The following BBOF1 variants were observed in gnomAD, a reference collection of about 807,000 sequenced individuals.
BBOF1 encodes the protein basal body orientation factor 1, also known as basal body-orientation factor 1.
A neutral mutation model predicts 68.0 loss-of-function variants in BBOF1; 62 were observed. That is an observed-to-expected ratio of 0.91 (90% confidence interval 0.74 to 1.13). The LOEUF is 1.13. BBOF1 is among the 50% of genes most tolerant of loss of function. The pLI is 0.00. For synonymous variants in BBOF1, 208 were observed against 198.8 expected (o/e 1.05, Z -0.39); for missense variants, 534 against 600.1 (o/e 0.89, Z 1.15).
chr14:74,047,047 A>C (rs2059966856), intron 6 of BBOF1, among the ~76,000 whole-genome samples: 1 of 152,178 alleles, frequency 6.6e-6, no homozygotes, highest in Admixed American at 6.5e-5. Flanking sequence ...AACTTTCTTG[A>C]AGTTAAATTT....
chr14:74,053,449 C>T (rs2060114622), intron 8 of BBOF1, among the ~76,000 whole-genome samples: 1 of 151,248 alleles, frequency 6.6e-6, no homozygotes, highest in Non-Finnish European at 1.5e-5. Flanking sequence ...ACTCTATTGC[C>T]CAGGTTGGAG....
chr14:74,042,845 T>TTC (rs1052857687), intron 5 of BBOF1, among the ~76,000 whole-genome samples: 104 of 141,672 alleles, frequency 7.3e-4, no homozygotes, highest in African/African-American at 2.6e-3. Flanking sequence ...CTCGCTCTGT[T>TTC]TCTCTCTCTC....
At chr14:74,039,268 A>G (rs1167205279) in intron 4 of BBOF1, among the ~76,000 whole-genome samples, 1 of 152,214 alleles carries the variant, frequency 6.6e-6, no homozygotes, top group East Asian at 1.9e-4. Flanking sequence ...AATATTTTCT[A>G]TAACATTTTT....
At chr14:74,046,937 G>A (rs68078235) in intron 6 of BBOF1, 16,985 of 152,092 alleles carry the variant, frequency 0.11, 1,243 homozygotes, top group Admixed American at 0.19. Context: ...GGTTTTGCCC[G>A]GGCTGGTCTC....
chr14:74,042,885 C>G (rs1469194146), intron 5 of BBOF1, among the ~76,000 whole-genome samples: 5 of 137,376 alleles, frequency 3.6e-5, no homozygotes, highest in African/African-American at 1.4e-4. Flanking sequence ...CACAGACACA[C>G]ACACACACAC....
At chr14:74,071,424 C>T in intron 9 of BBOF1, 1 of 1,614,118 alleles carries the variant, frequency 6.2e-7, no homozygotes, top group East Asian at 2.2e-5. Context: ...AATAAAGGTC[C>T]ATGTCTTTGG....
chr14:74,064,256 C>A (rs1019490581), intron 11 of BBOF1, among the ~76,000 whole-genome samples: 1 of 150,784 alleles, frequency 6.6e-6, no homozygotes, highest in East Asian at 2.0e-4. Context: ...TAAGACCATG[C>A]CACAGCACTC....
At chr14:74,054,976 T>C (rs2060155653) in intron 8 of BBOF1, 1 of 153,294 alleles carries the variant, frequency 6.5e-6, no homozygotes, top group Non-Finnish European at 1.5e-5. Flanking sequence ...TCCTTAGAGT[T>C]TTCTACTTTG....
chr14:74,043,134 A>G (rs1196128907), intron 5 of BBOF1, among the ~76,000 whole-genome samples: 5 of 152,002 alleles, frequency 3.3e-5, no homozygotes, highest in African/African-American at 1.2e-4. Context: ...ATACCTCAGC[A>G]TGCCCCAGCC....
chr14:74,077,262 A>C (rs2060622600), intron 9 of BBOF1, among the ~76,000 whole-genome samples: 1 of 152,138 alleles, frequency 6.6e-6, no homozygotes, highest in Non-Finnish European at 1.5e-5. Flanking sequence ...TCCTACCCCA[A>C]ACTAGGTTAA....
intron 2 of BBOF1, among the ~76,000 whole-genome samples, chr14:74,026,151 A>AG (rs1404406732): frequency 4.9e-5 from 7 of 144,122 alleles, no homozygotes; most frequent in African/African-American, 1.8e-4. Context: ...AAAAAAAAAA[A>AG]AAAGAGAGAG....
At chr14:74,033,735 G>C (rs1364832706) in intron 3 of BBOF1, among the ~76,000 whole-genome samples, 2 of 152,066 alleles carry the variant, frequency 1.3e-5, no homozygotes, top group Non-Finnish European at 2.9e-5. Context: ...AAATCAGCCA[G>C]GCATGGTGGC....
In BBOF1 at chr14:74,057,276, A is replaced by G. The variant is rs537061220; in HGVS notation, c.1578+18A>G. ...CTGACACAGTAAGGAGTCTGTATCT[A>G]ATCAAACAATGTATATTGTTGTCAC... On this transcript the variant is annotated intron_variant, in intron 11 of 11. Coordinates refer to ENST00000394009, the MANE Select transcript of BBOF1 (RefSeq NM_025057.3). 8 of 1,614,086 alleles carry G rather than the reference A, an allele frequency of 5.0e-6. No homozygotes were observed. In the Admixed American group the frequency reaches 1.2e-4, roughly 24 times the overall value.
downstream of BBOF1, chr14:74,068,981 G>C: frequency 6.2e-7 from 1 of 1,613,246 alleles, no homozygotes; most frequent in Non-Finnish European, 8.5e-7. Context: ...AAAATTTACA[G>C]CTTTAAGAAG....
In BBOF1 at chr14:74,065,786, A is replaced by T. The variant is rs546403678; in HGVS notation, c.*1087A>T. 9.9e-6 allele frequency: 2 copies of T among 201,932 alleles called. No individual in the cohort carries two copies. The highest frequency in any genetic ancestry group is 1.7e-4 in the South Asian group (2 of 11,956). 12.5% of individuals were successfully genotyped at this position (201,932 alleles called of 1,614,324 possible). On this transcript the variant is annotated 3_prime_UTR_variant, in exon 12 of 12. Coordinates refer to ENST00000394009, the MANE Select transcript of BBOF1 (RefSeq NM_025057.3). ...CCCCATGCTGTTTTCTGTAACATAA[A>T]TAATCCATTCTTATTCACTCCTTTG...
In BBOF1 at chr14:74,062,051, GAAAAAAAAA is replaced by G. The variant is rs369414700; in HGVS notation, c.1579-2616_1579-2608del. Among the ~76,000 whole-genome samples, 4 of 59,578 alleles carry G rather than the reference GAAAAAAAAA, an allele frequency of 6.7e-5. No homozygotes were observed. In the Admixed American group the frequency reaches 7.4e-4, roughly 11 times the overall value. The allele number at this position is 59,578 out of a possible 152,430, so 39.1% of individuals were successfully genotyped here. A position where few individuals can be genotyped will look rare whatever the true frequency, so the allele number is the denominator to read the frequency against. On this transcript the variant is annotated intron_variant, in intron 11 of 11. Coordinates refer to ENST00000394009, the MANE Select transcript of BBOF1 (RefSeq NM_025057.3). ...CATGGCGAAACCTCGTCTCTACTGG[GAAAAAAAAA>G]AAAAAAAAAAAAAAAAAAAAGCTGG...
At chr14:74,038,347 T>TA (rs2059756439) in intron 4 of BBOF1, among the ~76,000 whole-genome samples, 1 of 152,244 alleles carries the variant, frequency 6.6e-6, no homozygotes, top group Non-Finnish European at 1.5e-5. Context: ...TATGTACAGG[T>TA]ATACATTCTG....
chr14:74,039,950 T>TA (rs1249266020), intron 4 of BBOF1, among the ~76,000 whole-genome samples: 1 of 152,164 alleles, frequency 6.6e-6, no homozygotes, highest in Non-Finnish European at 1.5e-5. Flanking sequence ...TGTATGTTGA[T>TA]ACTAATTTTT....
Position 74,023,033 on chromosome 14 carries a change from G to A in BBOF1, c.174G>A (p.Arg58=). The A allele has an allele frequency of 6.2e-7, 1 of 1,610,802 alleles. No individual in the cohort carries two copies. The highest frequency in any genetic ancestry group is 8.5e-7 in the Non-Finnish European group (1 of 1,178,346). Residue 58 remains arginine, a synonymous_variant, in exon 2 of 12, where the codon CGG becomes CGA. Transcript: ENST00000394009. ...GGATTAAGTATCGTGATACTTCACG[G>A]ATACTGGCAAAAAGTAATGAGGACT... The part of the protein sequence containing the change: ...LSRIKYRDTS[R]ILAKSNEDLK...
Sources: gnomAD v4.1 joint callset for allele counts (sites outside exome capture counted in the v4.1 genomes callset) on GRCh38, gnomAD v4.1.1 for gene constraint, MANE v1.5 for transcripts, NCBI Gene and HGNC (gene_info 2026-07-23, HGNC 2026-07-21) for gene names.